Variants in KIF24 observed in about 807,000 individuals in gnomAD.
KIF24 encodes kinesin-like protein KIF24.
Under a neutral mutation model 118.9 loss-of-function variants are expected in KIF24, and 81 were observed. The ratio of observed to expected loss-of-function variants is 0.68; its 90% CI spans 0.57 to 0.82. KIF24 has a LOEUF of 0.82. KIF24 is among the 40% of genes least tolerant of loss of function. The probability of loss-of-function intolerance (pLI) is 0.00; values close to 1 mark genes in which losing one functional copy is unlikely to be tolerated. For synonymous variants in KIF24, 599 were observed against 610.0 expected (o/e 0.98, Z 0.27); for missense variants, 1,560 against 1,661.6 (o/e 0.94, Z 1.06).
upstream of KIF24, among the ~76,000 whole-genome samples, chr9:34,330,123 G>A (rs1241480622): frequency 2.0e-5 from 3 of 152,252 alleles, no homozygotes; most frequent in African/African-American, 7.2e-5. Context: ...AACAATGCAG[G>A]CCGGGTGCGG....
intron 8 of KIF24, among the ~76,000 whole-genome samples, chr9:34,268,032 G>A (rs1325119489): frequency 6.6e-6 from 1 of 152,074 alleles, no homozygotes; most frequent in Non-Finnish European, 1.5e-5. Flanking sequence ...ATTTGAACAA[G>A]TTAACTATAA....
chr9:34,318,515 C>G lies in KIF24; in HGVS notation c.-25-7144G>C. 1 of 909,984 alleles carries G rather than the reference C, an allele frequency of 1.1e-6. No individual in the cohort carries two copies. Among genetic ancestry groups the G allele is most frequent in the East Asian group, 2.5e-5 (1 of 39,682 alleles). The allele number at this position is 909,984 out of a possible 1,614,324, so 56.4% of individuals were successfully genotyped here. A position where few individuals can be genotyped will look rare whatever the true frequency, so the allele number is the denominator to read the frequency against. On this transcript the variant is annotated intron_variant, in intron 1 of 12. Coordinates refer to ENST00000402558, the MANE Select transcript of KIF24 (RefSeq NM_194313.4). This position sits in a 1 kb window ranked among gnomAD's most constrained non-coding sequence, Gnocchi z 4.9. ...TCCTGGCACCGCAGAGAAGCTGAGC[C>G]CCAAGGCAGCCACGCTGGCCGAACA...
At chr9:34,309,406 T>G (rs973702087) in intron 2 of KIF24, among the ~76,000 whole-genome samples, 2 of 151,756 alleles carry the variant, frequency 1.3e-5, no homozygotes, top group Non-Finnish European at 2.9e-5. Flanking sequence ...CCAGGCATAG[T>G]GGCGGGCGCC....
intron 8 of KIF24, among the ~76,000 whole-genome samples, chr9:34,265,890 AGAC>A (rs1370536784): frequency 6.6e-6 from 1 of 152,036 alleles, no homozygotes; most frequent in Non-Finnish European, 1.5e-5. Flanking sequence ...GGCTTTCTTC[AGAC>A]GAGACAGTTT....
intron 7 of KIF24, among the ~76,000 whole-genome samples, chr9:34,269,620 C>T (rs1214076677): frequency 2.0e-5 from 3 of 151,962 alleles, no homozygotes; most frequent in South Asian, 2.1e-4. Flanking sequence ...AGGATTTCAC[C>T]GTGTTAGCCA....
At chr9:34,306,763 C>T (rs1019992091) in intron 2 of KIF24, among the ~76,000 whole-genome samples, 5 of 151,764 alleles carry the variant, frequency 3.3e-5, no homozygotes, top group African/African-American at 1.2e-4. Context: ...GATTGCGCCA[C>T]TGCACTCCAG....
chr9:34,254,666 A>G, intron 12 of KIF24, 146 bp from the exon 13 acceptor site: 1 of 788,978 alleles, frequency 1.3e-6, no homozygotes, highest in Non-Finnish European at 2.1e-6. Context: ...TTGCTATGGC[A>G]CAGGGTGGGG....
At chr9:34,308,340 G>C (rs1421711495) in intron 2 of KIF24, among the ~76,000 whole-genome samples, 2 of 150,768 alleles carry the variant, frequency 1.3e-5, no homozygotes, top group Admixed American at 1.3e-4. Flanking sequence ...CTGGAGTGCA[G>C]TGGCACAATC....
At chr9:34,268,097 A>G (rs1208967584) in intron 8 of KIF24, among the ~76,000 whole-genome samples, 1 of 152,232 alleles carries the variant, frequency 6.6e-6, no homozygotes, top group Non-Finnish European at 1.5e-5. Flanking sequence ...ATAATAAAGA[A>G]TTACTTCTTT....
chr9:34,270,871 C>T (rs1288980889), intron 7 of KIF24, among the ~76,000 whole-genome samples: 1 of 150,030 alleles, frequency 6.7e-6, no homozygotes, highest in Non-Finnish European at 1.5e-5. Flanking sequence ...CCCGTCTCAA[C>T]CCTGGAGATC....
chr9:34,325,882 CCT>C (rs1418886030), intron 1 of KIF24, among the ~76,000 whole-genome samples: 7 of 152,030 alleles, frequency 4.6e-5, no homozygotes, highest in Non-Finnish European at 7.4e-5. Context: ...ATGCTGGTGC[CCT>C]GAGTCACTGC....
intron 8 of KIF24, among the ~76,000 whole-genome samples, 163 bp downstream of exon 8, chr9:34,269,094 A>T (rs1835402747): frequency 6.6e-6 from 1 of 152,220 alleles, no homozygotes; most frequent in Non-Finnish European, 1.5e-5. Context: ...GAATTGTGAG[A>T]GTCTGTCTGG....
At chr9:34,288,409 G>C (rs942487139) in intron 5 of KIF24, among the ~76,000 whole-genome samples, 1 of 151,838 alleles carries the variant, frequency 6.6e-6, no homozygotes, top group Non-Finnish European at 1.5e-5. Flanking sequence ...GATCACTTCA[G>C]CCCAGGAGGA....
intron 1 of KIF24, among the ~76,000 whole-genome samples, chr9:34,320,779 A>G (rs1329874889): frequency 2.0e-5 from 3 of 152,190 alleles, no homozygotes; most frequent in Non-Finnish European, 4.4e-5. Context: ...CTCTTTCCAC[A>G]AATTTAAGTA....
intron 1 of KIF24, among the ~76,000 whole-genome samples, chr9:34,328,137 C>T (rs183383295): frequency 2.0e-5 from 3 of 152,290 alleles, no homozygotes; most frequent in Admixed American, 2.0e-4. Context: ...ACGAAACAGT[C>T]TTAGGAACGC....
chr9:34,319,424 C>A, intron 1 of KIF24: 1 of 1,011,164 alleles, frequency 9.9e-7, no homozygotes, highest in Non-Finnish European at 1.6e-6. Context: ...GCATGCCACA[C>A]AAGAAGGACC....
chr9:34,283,619 A>C (rs1835934725), intron 6 of KIF24, among the ~76,000 whole-genome samples: 1 of 152,156 alleles, frequency 6.6e-6, no homozygotes, highest in Non-Finnish European at 1.5e-5. Context: ...AAACTGGGAA[A>C]ACAAGCCACA....
At chr9:34,280,763 C>A (rs898026568) in intron 6 of KIF24, among the ~76,000 whole-genome samples, 2 of 152,128 alleles carry the variant, frequency 1.3e-5, no homozygotes, top group Non-Finnish European at 2.9e-5. Flanking sequence ...ATAACGCAAA[C>A]GTGAAGTGTC....
Position 34,318,499 on chromosome 9 carries a change from C to G in KIF24, c.-25-7128G>C. On this transcript the variant is annotated intron_variant, in intron 1 of 12. Coordinates refer to ENST00000402558, the MANE Select transcript of KIF24 (RefSeq NM_194313.4). The surrounding 1 kb of genome is among the most constrained non-coding windows in gnomAD (Gnocchi z 4.9). ...CTGCAGCCACAGCAGCTCCTGGCAC[C>G]GCAGAGAAGCTGAGCCCCAAGGCAG... 5 of 850,584 alleles carry G rather than the reference C, an allele frequency of 5.9e-6. No individual in the cohort carries two copies. In the South Asian group the frequency reaches 7.0e-5, roughly 12 times the overall value. The allele number at this position is 850,584 out of a possible 1,614,324, so 52.7% of individuals were successfully genotyped here.
Sources: gnomAD v4.1 joint callset for allele counts (sites outside exome capture counted in the v4.1 genomes callset) on GRCh38, gnomAD v4.1.1 for gene constraint, Gnocchi (gnomAD v3.1) non-coding constraint, MANE v1.5 for transcripts, NCBI Gene and HGNC (gene_info 2026-07-23, HGNC 2026-07-21) for gene names.